The following KCNB2 variants were observed in gnomAD, a reference collection of about 807,000 sequenced individuals.
The protein encoded by KCNB2 is potassium voltage-gated channel subfamily B member 2.
A neutral mutation model predicts 61.5 loss-of-function variants in KCNB2; 15 were observed. The ratio of observed to expected loss-of-function variants is 0.24; its 90% CI spans 0.16 to 0.38. The LOEUF (loss-of-function observed/expected upper bound fraction) is 0.38. Ranked by LOEUF, KCNB2 falls within the 10% of genes least tolerant of loss-of-function variation. KCNB2 has a pLI of 1.00. For missense variants in KCNB2, 828 were observed against 1,125.2 expected (o/e 0.74, Z 3.78); for synonymous variants, 457 against 446.0 (o/e 1.02, Z -0.31).
intron 1 of KCNB2, among the ~76,000 whole-genome samples, chr8:72,550,023 C>G (rs1806319898): frequency 6.6e-6 from 1 of 152,204 alleles, no homozygotes; most frequent in African/African-American, 2.4e-5. Context: ...GGACACCTCA[C>G]CAGCCATTTG....
chr8:72,796,922 TC>T (rs771797170), intron 2 of KCNB2, among the ~76,000 whole-genome samples: 5 of 152,218 alleles, frequency 3.3e-5, no homozygotes, highest in Non-Finnish European at 5.9e-5. Context: ...TTCTGATAAT[TC>T]CTGAGCAGAG....
intron 2 of KCNB2, among the ~76,000 whole-genome samples, chr8:72,838,063 T>C (rs1421471679): frequency 1.3e-5 from 2 of 152,204 alleles, no homozygotes; most frequent in Non-Finnish European, 2.9e-5. Context: ...TCTCTTAAAA[T>C]ATTCATTAAC....
intron 2 of KCNB2, among the ~76,000 whole-genome samples, chr8:72,600,424 C>A (rs1321465036): frequency 1.3e-5 from 2 of 151,874 alleles, no homozygotes; most frequent in Admixed American, 6.6e-5. Flanking sequence ...AGGGGAACAT[C>A]ACACACTGGG....
At chr8:72,716,628 A>T (rs1467164004) in intron 2 of KCNB2, among the ~76,000 whole-genome samples, 1 of 152,112 alleles carries the variant, frequency 6.6e-6, no homozygotes, top group Non-Finnish European at 1.5e-5. Flanking sequence ...CATGCTAAAA[A>T]CTCTCAATAA....
intron 1 of KCNB2, among the ~76,000 whole-genome samples, chr8:72,544,220 G>C (rs1366980827): frequency 6.6e-6 from 1 of 152,156 alleles, no homozygotes; most frequent in Non-Finnish European, 1.5e-5. Context: ...TCATAAAAAA[G>C]GGCTTGGCTG....
At position 72,597,001 on chromosome 8, in the gene KCNB2, CTTTTTTTTTTTTTTTTTTTTTTTTTTTT is replaced by C. The variant is rs869160203; in HGVS notation, c.579+28702_579+28729del. Among the ~76,000 whole-genome samples the C allele has an allele frequency of 6.2e-5, 4 of 64,662 alleles. 1 individual carries two copies. The highest frequency in any genetic ancestry group is 3.2e-4 in the African/African-American group (4 of 12,472). The allele number at this position is 64,662 out of a possible 152,430, so 42.4% of individuals were successfully genotyped here. On this transcript the variant is annotated intron_variant, in intron 2 of 2. Transcript: ENST00000523207. Reference sequence around the variant, plus strand: ...GCATGCTTGCTTGCTTGCTTGCTTGCTTTTTTTTTTTTTTTTTTTTTTTTTTTTTTTTTTTTTTTTTGAGATGGACTCT... The same window carrying C: ...GCATGCTTGCTTGCTTGCTTGCTTGCTTTTTTTTTTTTTGAGATGGACTCT...
intron 2 of KCNB2, among the ~76,000 whole-genome samples, chr8:72,650,219 C>T (rs1290603071): frequency 1.3e-5 from 2 of 152,050 alleles, no homozygotes; most frequent in Non-Finnish European, 2.9e-5. Flanking sequence ...ATATAGCTTG[C>T]GTTTATTTTT....
intron 2 of KCNB2, among the ~76,000 whole-genome samples, chr8:72,934,926 T>C (rs1264317819): frequency 6.6e-6 from 1 of 152,052 alleles, no homozygotes; most frequent in Non-Finnish European, 1.5e-5. Context: ...CTATATGGCT[T>C]TACAGATATT....
At chr8:72,845,589 A>G (rs924372023) in intron 2 of KCNB2, among the ~76,000 whole-genome samples, 10 of 152,166 alleles carry the variant, frequency 6.6e-5, no homozygotes, top group African/African-American at 1.9e-4. Context: ...CATTTTATCT[A>G]TAAGTCCCCG....
intron 2 of KCNB2, among the ~76,000 whole-genome samples, chr8:72,579,183 C>G (rs1806850506): frequency 6.6e-6 from 1 of 152,210 alleles, no homozygotes. Context: ...CAGAGCCCCA[C>G]TGAGCCCCTC....
At chr8:72,865,093 G>A (rs1243875624) in intron 2 of KCNB2, among the ~76,000 whole-genome samples, 3 of 152,070 alleles carry the variant, frequency 2.0e-5, no homozygotes, top group Admixed American at 6.5e-5. Flanking sequence ...ATTGCAACAG[G>A]CTCCTGGCTG....
intron 2 of KCNB2, among the ~76,000 whole-genome samples, chr8:72,934,280 C>T (rs920512865): frequency 1.3e-5 from 2 of 150,784 alleles, no homozygotes; most frequent in African/African-American, 4.9e-5. Context: ...AGGTCAAGGC[C>T]AGAGGATCAC....
intron 2 of KCNB2, among the ~76,000 whole-genome samples, chr8:72,892,589 A>G (rs1805915968): frequency 6.6e-6 from 1 of 152,192 alleles, no homozygotes; most frequent in African/African-American, 2.4e-5. Flanking sequence ...CATATTTTGT[A>G]GATGAGGAAA....
At chr8:72,861,750 C>T (rs1805418498) in intron 2 of KCNB2, among the ~76,000 whole-genome samples, 1 of 152,140 alleles carries the variant, frequency 6.6e-6, no homozygotes, top group Non-Finnish European at 1.5e-5. Flanking sequence ...GTTCATTGAT[C>T]TTGTTAAAAT....
chr8:72,539,141 C>A lies in KCNB2; in HGVS notation c.-94+1256C>A, dbSNP rs555810406. On this transcript the variant is annotated intron_variant, in intron 1 of 2. Transcript: ENST00000523207. Reference sequence around the variant, plus strand: ...AACGTAATACATGAATAAAACCCATCTAGACTAGACATCTAGGCTAGAGAG... The same window carrying A: ...AACGTAATACATGAATAAAACCCATATAGACTAGACATCTAGGCTAGAGAG... Among the ~76,000 whole-genome samples the A allele has an allele frequency of 1.4e-4, 21 of 152,284 alleles. No homozygotes were observed. In the Middle Eastern group the frequency reaches 0.01, roughly 74 times the overall value.
intron 2 of KCNB2, among the ~76,000 whole-genome samples, chr8:72,687,260 T>G (rs763589601): frequency 1.3e-5 from 2 of 152,266 alleles, no homozygotes; most frequent in Non-Finnish European, 2.9e-5. Context: ...TATTTTCTCA[T>G]GACTTGGTGA....
At chr8:72,584,828 G>T (rs968445710) in intron 2 of KCNB2, among the ~76,000 whole-genome samples, 12 of 152,116 alleles carry the variant, frequency 7.9e-5, no homozygotes, top group African/African-American at 2.9e-4. Flanking sequence ...ACCATCTGGA[G>T]CCCAGATTTG....
intron 2 of KCNB2, among the ~76,000 whole-genome samples, chr8:72,755,125 A>T (rs182296726): frequency 3.3e-5 from 5 of 152,308 alleles, no homozygotes; most frequent in Admixed American, 3.3e-4. Context: ...ACAGATTTCA[A>T]TTGAGGGGTG....
At chr8:72,600,361 C>T (rs9692776) in intron 2 of KCNB2, among the ~76,000 whole-genome samples, 56,965 of 151,438 alleles carry the variant, frequency 0.38, 13,030 homozygotes, top group Non-Finnish European at 0.51. Flanking sequence ...ACAAACACTG[C>T]ATGTTCTCAC....
Sources: allele counts gnomAD v4.1 joint callset (sites outside exome capture counted in the v4.1 genomes callset), GRCh38; gene constraint gnomAD v4.1.1; transcripts MANE v1.5; gene names NCBI Gene and HGNC (gene_info 2026-07-23, HGNC 2026-07-21).